Variants in ABI3BP observed in about 807,000 individuals in gnomAD.
The protein encoded by ABI3BP is target of Nesh-SH3.
In ABI3BP, 216 loss-of-function variants were observed where a neutral mutation model predicts 268.6. The observed-to-expected ratio is 0.80, with a 90% CI of 0.72 to 0.90. The LOEUF is 0.90. Among genes scored for constraint, ABI3BP ranks in the 40% least tolerant of loss-of-function variants. The pLI is 0.00. For synonymous variants in ABI3BP, 730 were observed against 730.0 expected (o/e 1.00, Z 0.00); for missense variants, 2,090 against 2,182.4 (o/e 0.96, Z 0.84).
intron 1 of ABI3BP, among the ~76,000 whole-genome samples, chr3:100,978,852 A>C (rs1017891237): frequency 7.2e-5 from 11 of 152,196 alleles, no homozygotes; most frequent in African/African-American, 2.7e-4. Context: ...CAGAATCATC[A>C]GTGATAGTTG....
chr3:100,871,254 C>T (rs1216374946), intron 9 of ABI3BP, among the ~76,000 whole-genome samples: 1 of 151,830 alleles, frequency 6.6e-6, no homozygotes, highest in East Asian at 1.9e-4. Flanking sequence ...TCACTAGGTA[C>T]ACATATAAAA....
chr3:100,846,266 G>GT, intron 20 of ABI3BP, 106 bp downstream of exon 20: 4 of 813,172 alleles, frequency 4.9e-6, no homozygotes, highest in Non-Finnish European at 7.7e-6. Flanking sequence ...ATGGAAAAAT[G>GT]TAACAAATGT....
intron 56 of ABI3BP, 139 bp downstream of exon 56, chr3:100,789,315 A>T: frequency 1.4e-6 from 1 of 701,462 alleles, no homozygotes; most frequent in Non-Finnish European, 2.3e-6. Context: ...ATACCTTTCC[A>T]CTTATCCACA....
intron 1 of ABI3BP, among the ~76,000 whole-genome samples, chr3:100,991,193 A>C (rs978203640): frequency 6.6e-6 from 1 of 152,226 alleles, no homozygotes; most frequent in Non-Finnish European, 1.5e-5. Flanking sequence ...CTAAGTGATC[A>C]TGAATATCTT....
chr3:100,785,421 G>A (rs1434648021), intron 57 of ABI3BP, among the ~76,000 whole-genome samples: 1 of 152,178 alleles, frequency 6.6e-6, no homozygotes, highest in African/African-American at 2.4e-5. Flanking sequence ...CTACAACCGG[G>A]AGAGGAGAGA....
chr3:100,863,968 T>C, intron 12 of ABI3BP, 34 bp downstream of exon 12: 1 of 1,375,498 alleles, frequency 7.3e-7, no homozygotes, highest in Middle Eastern at 1.8e-4. Flanking sequence ...ATATCCAAGG[T>C]AATAATAAAG....
At position 100,753,987 on chromosome 3, in the gene ABI3BP, T is replaced by C. The variant is rs1342509389; in HGVS notation, c.4931-139A>G. 10 of 905,008 alleles carry C rather than the reference T, an allele frequency of 1.1e-5. No individual in the cohort carries two copies. The African/African-American group carries it at 1.3e-4, about 12-fold the overall frequency. 56.1% of individuals were successfully genotyped at this position (905,008 alleles called of 1,614,324 possible). A position where few individuals can be genotyped will look rare whatever the true frequency, so the allele number is the denominator to read the frequency against. ...GGTACTCTTTTGCTAAGGATTGAAT[T>C]TGAAAGTTTGCTTTGTTTTGGAAAT... On this transcript the variant is annotated intron_variant, in intron 64 of 67. Transcript: ENST00000471714.
At chr3:100,985,382 C>T (rs1021193647) in intron 1 of ABI3BP, among the ~76,000 whole-genome samples, 1 of 152,010 alleles carries the variant, frequency 6.6e-6, no homozygotes, top group Non-Finnish European at 1.5e-5. Flanking sequence ...ATCCCCTGAC[C>T]TCGTGATCCG....
At chr3:100,976,767 A>G (rs1025952674) in intron 1 of ABI3BP, among the ~76,000 whole-genome samples, 16 of 152,148 alleles carry the variant, frequency 1.1e-4, no homozygotes, top group Non-Finnish European at 7.4e-5. Flanking sequence ...CCTCAGGGGA[A>G]TTCGGGGATG....
chr3:100,830,192 T>C (rs371703023), intron 32 of ABI3BP, among the ~76,000 whole-genome samples: 1 of 131,728 alleles, frequency 7.6e-6, no homozygotes, highest in African/African-American at 2.9e-5. Context: ...AATGTAGAAA[T>C]TAAGATCTGC....
chr3:100,828,018 C>A (rs2098419687), intron 34 of ABI3BP, among the ~76,000 whole-genome samples: 1 of 151,402 alleles, frequency 6.6e-6, no homozygotes, highest in Non-Finnish European at 1.5e-5. Context: ...GATAAAAAAA[C>A]AAACAAAAAT....
intron 12 of ABI3BP, chr3:100,863,712 ATAGAG>A (rs548335735): frequency 1.9e-4 from 66 of 338,780 alleles, no homozygotes; most frequent in Admixed American, 4.3e-4. Flanking sequence ...AAGAGAGACA[ATAGAG>A]TAAACACATT....
chr3:100,923,945 G>T, intron 2 of ABI3BP, among the ~76,000 whole-genome samples: 1 of 152,198 alleles, frequency 6.6e-6, no homozygotes, highest in Middle Eastern at 3.4e-3. Flanking sequence ...AATGGGACAG[G>T]CAGCCATTAT....
intron 4 of ABI3BP, among the ~76,000 whole-genome samples, chr3:100,892,928 T>C (rs910491132): frequency 5.9e-5 from 9 of 152,134 alleles, no homozygotes; most frequent in African/African-American, 2.2e-4. Flanking sequence ...CTTGATTGGA[T>C]TGAAGGAAGC....
intron 11 of ABI3BP, chr3:100,864,573 C>G (rs760901605): frequency 2.7e-5 from 12 of 449,924 alleles, no homozygotes; most frequent in Non-Finnish European, 4.8e-5. Flanking sequence ...AACCCAGAGA[C>G]TGGTTAAAAA....
intron 9 of ABI3BP, among the ~76,000 whole-genome samples, chr3:100,868,014 A>G (rs1175061933): frequency 1.3e-5 from 2 of 152,168 alleles, no homozygotes; most frequent in Admixed American, 1.3e-4. Context: ...GATTAATTCT[A>G]TTCAGTTATT....
chr3:100,905,459 T>C (rs556372446), intron 2 of ABI3BP, among the ~76,000 whole-genome samples: 25 of 151,910 alleles, frequency 1.6e-4, no homozygotes, highest in Non-Finnish European at 2.9e-4. Context: ...TCATATCCTT[T>C]CTTACTCATG....
rs901114511 is a variant in ABI3BP at position 100,844,215 on chromosome 3, T to A, written c.1723+2157A>T. 4 of 985,278 alleles carry A rather than the reference T, an allele frequency of 4.1e-6. No homozygotes were observed. In the African/African-American group the frequency reaches 7.0e-5, roughly 17 times the overall value. 61.0% of individuals were successfully genotyped at this position (985,278 alleles called of 1,614,324 possible). ...ACATGTGTGTAGGAATGAGAACAAT[T>A]TACAATTCTATCCACGTTGGAAGAC... On this transcript the variant is annotated intron_variant, in intron 20 of 67. Coordinates refer to ENST00000471714, the MANE Select transcript of ABI3BP (RefSeq NM_001375547.2).
Position 100,850,636 on chromosome 3 carries a change from T to C in ABI3BP, c.1426+24A>G, listed in dbSNP as rs2098827425. 5 of 1,567,732 alleles carry C rather than the reference T, an allele frequency of 3.2e-6. 1 individual carries two copies. Among genetic ancestry groups the C allele is most frequent in the South Asian group, 2.3e-5 (2 of 87,348 alleles). On this transcript the variant is annotated intron_variant, in intron 16 of 67. Coordinates refer to ENST00000471714, the MANE Select transcript of ABI3BP (RefSeq NM_001375547.2). Reference sequence around the variant, plus strand: ...TTTTTTTTTGATGGAAAATAAAGTATGATTTTTCTGTTAAAAACATTACCC... The same window carrying C: ...TTTTTTTTTGATGGAAAATAAAGTACGATTTTTCTGTTAAAAACATTACCC...
Sources: allele counts gnomAD v4.1 joint callset (sites outside exome capture counted in the v4.1 genomes callset), GRCh38; gene constraint gnomAD v4.1.1; transcripts MANE v1.5; gene names NCBI Gene and HGNC (gene_info 2026-07-23, HGNC 2026-07-21).